PIP5K1C: variants seen among roughly 807,000 people sequenced by gnomAD.
The protein encoded by PIP5K1C is phosphatidylinositol 4-phosphate 5-kinase type-1 gamma.
PIP5K1C carries 45 observed loss-of-function variants against 80.1 expected under a neutral mutation model. The observed-to-expected ratio is 0.56, with a 90% confidence interval of 0.44 to 0.72. The LOEUF (loss-of-function observed/expected upper bound fraction) is 0.72. Ranked by LOEUF, PIP5K1C falls within the 30% of genes least tolerant of loss-of-function variation. PIP5K1C has a pLI of 0.00. For missense variants in PIP5K1C, 753 were observed against 954.6 expected (o/e 0.79, Z 2.78); for synonymous variants, 498 against 420.1 (o/e 1.19, Z -2.27).
At chr19:3,685,418 C>T (rs186316064) in intron 1 of PIP5K1C, among the ~76,000 whole-genome samples, 8 of 152,212 alleles carry the variant, frequency 5.3e-5, no homozygotes, top group Non-Finnish European at 7.4e-5. Context: ...GTCCAGGGGC[C>T]GAACACAGCC....
chr19:3,652,445 G>T (rs900629535), intron 7 of PIP5K1C, among the ~76,000 whole-genome samples: 2 of 152,246 alleles, frequency 1.3e-5, no homozygotes, highest in African/African-American at 2.4e-5. Flanking sequence ...TGAGTGGTCT[G>T]GGCGGTTTTC....
chr19:3,685,218 G>T (rs532148190), intron 1 of PIP5K1C, among the ~76,000 whole-genome samples: 1 of 152,314 alleles, frequency 6.6e-6, no homozygotes, highest in East Asian at 1.9e-4. Flanking sequence ...GGTGATGCCC[G>T]TGTCAATAGA....
intron 1 of PIP5K1C, among the ~76,000 whole-genome samples, chr19:3,698,352 A>G (rs1281439624): frequency 1.3e-5 from 2 of 152,370 alleles, no homozygotes; most frequent in East Asian, 1.9e-4. Context: ...CAGCACCTGA[A>G]GCGCGGAGCT....
At chr19:3,686,550 C>A (rs1019028725) in intron 1 of PIP5K1C, among the ~76,000 whole-genome samples, 4 of 151,232 alleles carry the variant, frequency 2.6e-5, no homozygotes, top group African/African-American at 9.7e-5. Flanking sequence ...GAAACCCCGT[C>A]TCTACTAAAA....
At chr19:3,660,260 G>A (rs1273746774) in intron 5 of PIP5K1C, among the ~76,000 whole-genome samples, 2 of 151,982 alleles carry the variant, frequency 1.3e-5, no homozygotes, top group Non-Finnish European at 2.9e-5. Context: ...GGCACCTGTA[G>A]TCCCAGCTAC....
intron 1 of PIP5K1C, among the ~76,000 whole-genome samples, chr19:3,694,693 G>A (rs1382219853): frequency 6.6e-6 from 1 of 152,226 alleles, no homozygotes; most frequent in African/African-American, 2.4e-5. Context: ...TCAAGTGGGT[G>A]CAGCAAGTTC....
intron 16 of PIP5K1C, chr19:3,636,349 T>C: frequency 1.0e-6 from 1 of 977,312 alleles, no homozygotes; most frequent in Non-Finnish European, 1.2e-6. Flanking sequence ...CACTCAGGCC[T>C]TGGGGTGCTT....
At chr19:3,649,892 T>C (rs563293302) in intron 8 of PIP5K1C, 4 of 285,504 alleles carry the variant, frequency 1.4e-5, no homozygotes, top group Non-Finnish European at 1.4e-5. Flanking sequence ...CCAGCGCGGT[T>C]AGTGAGGCCA....
At chr19:3,646,957 G>A (rs1216484159) in intron 10 of PIP5K1C, among the ~76,000 whole-genome samples, 3 of 150,980 alleles carry the variant, frequency 2.0e-5, no homozygotes, top group Non-Finnish European at 3.0e-5. Context: ...GAGGAGGGAT[G>A]GGAGGAGGGG....
chr19:3,647,312 A>C (rs778409827), intron 10 of PIP5K1C, 26 bp downstream of exon 10: 1 of 1,456,484 alleles, frequency 6.9e-7, no homozygotes, highest in South Asian at 1.2e-5. Flanking sequence ...TGGGAGGAGG[A>C]ATGGGAGGAG....
chr19:3,691,984 C>G (rs2035964524), intron 1 of PIP5K1C, among the ~76,000 whole-genome samples: 1 of 152,204 alleles, frequency 6.6e-6, no homozygotes, highest in African/African-American at 2.4e-5. Flanking sequence ...TTTCCCTGCC[C>G]CAGCAGCCCC....
chr19:3,668,501 A>G (rs2035093459), intron 1 of PIP5K1C: 2 of 151,910 alleles, frequency 1.3e-5, no homozygotes, highest in African/African-American at 4.8e-5. Context: ...ATGCTGGGAA[A>G]AGGGGGAAAC....
rs1009700553 is a variant in PIP5K1C, at chr19:3,696,787, T to A, written c.94+3510A>T. Among the ~76,000 whole-genome samples, 1 of 151,808 alleles carries A rather than the reference T, an allele frequency of 6.6e-6. No homozygotes were observed. Among genetic ancestry groups the A allele is most frequent in the Non-Finnish European group, 1.5e-5 (1 of 67,936 alleles). ...CCGGGGCAGGCTGTGCAGGGCCTGA[T>A]GGGCTTCAAAGAGGACTATGTCTTT... On this transcript the variant is annotated intron_variant, in intron 1 of 17. Transcript: ENST00000335312. The surrounding 1 kb of genome is among the most constrained non-coding windows in gnomAD (Gnocchi z 4.1).
rs777175094 is a variant in PIP5K1C at position 3,656,429 on chromosome 19, C to T, written c.597G>A (p.Gln199=). The T allele has an allele frequency of 8.1e-6, 13 of 1,613,556 alleles. 1 individual carries two copies. In the South Asian group the frequency reaches 1.4e-4, roughly 18 times the overall value. The change falls in exon 6 of 18, where the codon CAG becomes CAA. Residue 199 remains glutamine, a synonymous_variant. Coordinates refer to ENST00000335312, the MANE Select transcript of PIP5K1C (RefSeq NM_012398.3). ...CCATGTAGTAGCCAGGGAGCAGCTTCTGCAGGAACTCGGCCTCCTTGTGCA... is the reference window on the plus strand; with the variant it reads ...CCATGTAGTAGCCAGGGAGCAGCTTTTGCAGGAACTCGGCCTCCTTGTGCA... ...TVMHKEAEFL[Q]KLLPGYYMNL... is the part of the protein sequence containing the mutation.
intron 1 of PIP5K1C, among the ~76,000 whole-genome samples, chr19:3,685,185 CAG>C (rs1385083281): frequency 4.6e-5 from 7 of 152,196 alleles, no homozygotes; most frequent in Admixed American, 4.6e-4. Flanking sequence ...GTTGGGGACT[CAG>C]GGGGTCCTCA....
intron 10 of PIP5K1C, among the ~76,000 whole-genome samples, chr19:3,646,708 C>T (rs80137094): frequency 0.031 from 4,759 of 152,308 alleles, 99 homozygotes; most frequent in South Asian, 0.048. Flanking sequence ...CATCCTGACC[C>T]GCTCAAGGCT....
At chr19:3,673,197 CCT>C (rs947215280) in intron 1 of PIP5K1C, among the ~76,000 whole-genome samples, 9 of 152,178 alleles carry the variant, frequency 5.9e-5, no homozygotes, top group South Asian at 2.1e-4. Flanking sequence ...CCAGCGCCAC[CCT>C]GTGTCATGGC....
At chr19:3,675,301 G>C (rs1300086455) in intron 1 of PIP5K1C, among the ~76,000 whole-genome samples, 2 of 152,172 alleles carry the variant, frequency 1.3e-5, no homozygotes, top group African/African-American at 2.4e-5. Context: ...AGTTGCAAAA[G>C]CATTGCCCAG....
intron 16 of PIP5K1C, among the ~76,000 whole-genome samples, chr19:3,634,950 A>G (rs1442345428): frequency 6.6e-6 from 1 of 152,232 alleles, no homozygotes; most frequent in African/African-American, 2.4e-5. Flanking sequence ...CCTCCAGGGT[A>G]GCAAATGCAG....
Sources: allele counts gnomAD v4.1 joint callset (sites outside exome capture counted in the v4.1 genomes callset), GRCh38; gene constraint gnomAD v4.1.1; non-coding constraint Gnocchi (gnomAD v3.1); transcripts MANE v1.5; gene names NCBI Gene and HGNC (gene_info 2026-07-23, HGNC 2026-07-21).